The following ZNF69 variants were observed in gnomAD, a reference collection of about 807,000 sequenced individuals.
ZNF69 encodes the protein ZNF3.
A neutral mutation model predicts 50.9 loss-of-function variants in ZNF69; 47 were observed. The ratio of observed to expected loss-of-function variants is 0.92; its 90% CI spans 0.73 to 1.18. The LOEUF is 1.18. Among genes scored for constraint, ZNF69 ranks in the 50% most tolerant of loss-of-function variants. ZNF69 has a pLI of 0.00. For missense variants in ZNF69, 717 were observed against 675.1 expected (o/e 1.06, Z -0.69); for synonymous variants, 216 against 223.1 (o/e 0.97, Z 0.29).
At chr19:11,918,308 C>A (rs1972539008), downstream of ZNF69, among the ~76,000 whole-genome samples, 1 of 152,164 alleles carries the variant, frequency 6.6e-6, no homozygotes, top group Non-Finnish European at 1.5e-5. Flanking sequence ...TTTGAATTAT[C>A]TAACTCACTT....
At chr19:11,972,291 A>G in the ZNF69 span, among the ~76,000 whole-genome samples, 5 of 152,064 alleles carry the variant, frequency 3.3e-5, no homozygotes, top group African/African-American at 1.2e-4. Context: ...ACCCTGTTTC[A>G]GAAAAAAAAA....
the ZNF69 span, chr19:11,925,139 G>C: frequency 1.9e-6 from 3 of 1,582,038 alleles, no homozygotes; most frequent in Non-Finnish European, 2.6e-6. Context: ...GCGGCGGTTG[G>C]TAACCGGTCA....
the ZNF69 span, among the ~76,000 whole-genome samples, chr19:11,936,632 A>G: frequency 1.3e-5 from 2 of 152,106 alleles, no homozygotes; most frequent in South Asian, 2.1e-4. Flanking sequence ...CTCTCATTCT[A>G]TAGGTTGCCT....
At chr19:11,932,000 A>G in the ZNF69 span, among the ~76,000 whole-genome samples, 1 of 147,742 alleles carries the variant, frequency 6.8e-6, no homozygotes, top group African/African-American at 2.7e-5. Context: ...CTGTAATCTC[A>G]GCTACTCAGG....
intron 1 of ZNF69, among the ~76,000 whole-genome samples, chr19:11,895,059 A>G (rs1977192740): frequency 6.6e-6 from 1 of 152,224 alleles, no homozygotes; most frequent in Admixed American, 6.5e-5. Context: ...ACCTGTGCTG[A>G]CACATGAGTC....
At chr19:11,901,596 C>T (rs10425353) in intron 1 of ZNF69, among the ~76,000 whole-genome samples, 14,908 of 151,992 alleles carry the variant, frequency 0.098, 1,560 homozygotes, top group African/African-American at 0.26. Context: ...ATGATTCTCC[C>T]ATGTCAGCCT....
the ZNF69 span, chr19:11,950,427 T>G: frequency 3.5e-5 from 26 of 748,602 alleles, no homozygotes; most frequent in Non-Finnish European, 5.6e-5. Flanking sequence ...TTCCTTTTAC[T>G]TCTTTTCAAT....
At chr19:11,956,501 AC>A in the ZNF69 span, 3 of 398,338 alleles carry the variant, frequency 7.5e-6, no homozygotes, top group Non-Finnish European at 1.3e-5. Context: ...TCTCATTGAA[AC>A]AGAGGCCTGA....
chr19:11,912,357 A>T (rs1008115987), intron 4 of ZNF69, among the ~76,000 whole-genome samples: 1 of 152,220 alleles, frequency 6.6e-6, no homozygotes, highest in Non-Finnish European at 1.5e-5. Context: ...CAATGGAGAG[A>T]AACCCTATGA....
the ZNF69 span, chr19:11,949,993 T>C: frequency 1.9e-6 from 3 of 1,613,968 alleles, no homozygotes; most frequent in Non-Finnish European, 2.5e-6. Flanking sequence ...CGAAAAAGCA[T>C]TCTGTAAATT....
chr19:11,912,233 C>A (rs1365266376), intron 4 of ZNF69, among the ~76,000 whole-genome samples: 1 of 152,012 alleles, frequency 6.6e-6, no homozygotes, highest in African/African-American at 2.4e-5. Flanking sequence ...TCCATAATTT[C>A]TCTTCTTTGC....
the ZNF69 span, chr19:11,978,023 C>T: frequency 1.3e-6 from 2 of 1,483,306 alleles, no homozygotes; most frequent in African/African-American, 2.8e-5. Context: ...AAAGCCTACA[C>T]CTTGATGGAC....
the ZNF69 span, among the ~76,000 whole-genome samples, chr19:11,939,284 G>A: frequency 2.0e-5 from 3 of 152,232 alleles, no homozygotes; most frequent in Non-Finnish European, 2.9e-5. Flanking sequence ...TGGTGTTTTA[G>A]TGATGAAGTC....
At chr19:11,913,327 T>G (rs1972484935) in intron 4 of ZNF69, 1 of 549,060 alleles carries the variant, frequency 1.8e-6, no homozygotes, top group Non-Finnish European at 3.3e-6. Flanking sequence ...CATCTTTTTT[T>G]TTTCGGAAAT....
intron 1 of ZNF69, among the ~76,000 whole-genome samples, chr19:11,900,757 T>C (rs149147231): frequency 9.9e-4 from 151 of 152,348 alleles, no homozygotes; most frequent in Middle Eastern, 3.4e-3. Context: ...GCAAATATTT[T>C]GTCCCTGTCT....
chr19:11,917,789 C>CTTTTT (rs74965943), downstream of ZNF69, among the ~76,000 whole-genome samples: 32,558 of 109,926 alleles, frequency 0.3, 6,590 homozygotes, highest in African/African-American at 0.54. Flanking sequence ...CCACACCCTG[C>CTTTTT]TTTTTTTTTT....
At chr19:11,939,433 T>C in the ZNF69 span, among the ~76,000 whole-genome samples, 1 of 152,220 alleles carries the variant, frequency 6.6e-6, no homozygotes, top group Non-Finnish European at 1.5e-5. Flanking sequence ...CAGTTTCAGC[T>C]TTCTACATAT....
the ZNF69 span, among the ~76,000 whole-genome samples, chr19:11,938,758 A>G: frequency 1.3e-5 from 2 of 152,170 alleles, no homozygotes; most frequent in South Asian, 2.1e-4. Flanking sequence ...GGATGGCTGG[A>G]TCAAATGGTA....
chr19:11,977,076 C>G, the ZNF69 span: 1 of 1,614,086 alleles, frequency 6.2e-7, no homozygotes, highest in Non-Finnish European at 8.5e-7. Context: ...TGAACTTCAC[C>G]CAGGAGGAGT....
Sources: gnomAD v4.1 joint callset for allele counts (sites outside exome capture counted in the v4.1 genomes callset) on GRCh38, gnomAD v4.1.1 for gene constraint, MANE v1.5 for transcripts, NCBI Gene and HGNC (gene_info 2026-07-23, HGNC 2026-07-21) for gene names.